Variants in CDH2 observed in about 807,000 individuals in gnomAD.
CDH2 encodes cadherin-2.
Under a neutral mutation model 92.0 loss-of-function variants are expected in CDH2, and 17 were observed. The observed-to-expected ratio is 0.18, with a 90% CI of 0.13 to 0.28. The LOEUF (loss-of-function observed/expected upper bound fraction) is 0.28, where lower values mean the gene tolerates loss of function less well. CDH2 is among the 10% of genes least tolerant of loss of function. CDH2 has a pLI of 1.00. For synonymous variants in CDH2, 419 were observed against 415.9 expected (o/e 1.01, Z -0.09); for missense variants, 862 against 1,133.1 (o/e 0.76, Z 3.44).
intron 9 of CDH2, among the ~76,000 whole-genome samples, 171 bp from the exon 10 acceptor site, chr18:27,990,521 T>C (rs1306763767): frequency 6.6e-6 from 1 of 152,342 alleles, no homozygotes; most frequent in Admixed American, 6.5e-5. Flanking sequence ...CTTATCAAAA[T>C]ATTTATCCCA....
At chr18:28,154,808 T>C (rs2016182918) in intron 1 of CDH2, among the ~76,000 whole-genome samples, 1 of 152,172 alleles carries the variant, frequency 6.6e-6, no homozygotes, top group African/African-American at 2.4e-5. Context: ...CCTCACTCTC[T>C]TCCTCATTAA....
At chr18:28,077,827 G>A (rs1291409650) in intron 2 of CDH2, among the ~76,000 whole-genome samples, 1 of 147,944 alleles carries the variant, frequency 6.8e-6, no homozygotes, top group Non-Finnish European at 1.5e-5. Flanking sequence ...GGAGTTGGAG[G>A]TTGCACTGAG....
At chr18:28,090,337 G>A (rs1258289944) in intron 2 of CDH2, among the ~76,000 whole-genome samples, 2 of 152,102 alleles carry the variant, frequency 1.3e-5, no homozygotes, top group South Asian at 2.1e-4. Flanking sequence ...GCTGACGTAT[G>A]GATTTGTGTA....
chr18:27,999,666 A>G (rs1240109175), intron 7 of CDH2, among the ~76,000 whole-genome samples: 9 of 143,490 alleles, frequency 6.3e-5, no homozygotes, highest in Non-Finnish European at 1.4e-4. Flanking sequence ...ATATATATAT[A>G]CATATATACA....
At chr18:27,967,849 G>T (rs552817443) in intron 14 of CDH2, among the ~76,000 whole-genome samples, 2 of 152,292 alleles carry the variant, frequency 1.3e-5, no homozygotes, top group South Asian at 4.1e-4. Context: ...TTTGGAAAAT[G>T]ATACAACGAG....
chr18:27,981,351 T>C (rs1659553882), intron 14 of CDH2, among the ~76,000 whole-genome samples: 1 of 152,208 alleles, frequency 6.6e-6, no homozygotes, highest in South Asian at 2.1e-4. Context: ...AAGCCAAACA[T>C]GAATTTTAAT....
At chr18:28,121,052 T>G (rs2015579461) in intron 2 of CDH2, among the ~76,000 whole-genome samples, 1 of 152,148 alleles carries the variant, frequency 6.6e-6, no homozygotes, top group Admixed American at 6.6e-5. Flanking sequence ...GAAACACTAA[T>G]GTTATTCTGT....
intron 6 of CDH2, among the ~76,000 whole-genome samples, chr18:27,933,672 T>G (rs879184531): frequency 6.6e-6 from 1 of 152,220 alleles, no homozygotes; most frequent in Non-Finnish European, 1.5e-5. Flanking sequence ...TTAAACATCT[T>G]GTAATTCTAA....
rs536092360 is a variant in CDH2 at position 27,968,913 on chromosome 18, G to GAGAA, written c.2350-5396_2350-5393dup. Among the ~76,000 whole-genome samples, 635 of 152,308 alleles carry GAGAA rather than the reference G, an allele frequency of 4.2e-3. 1 individual carries two copies. Among genetic ancestry groups the GAGAA allele is most frequent in the Non-Finnish European group, 7.0e-3 (474 of 68,030 alleles). On this transcript the variant is annotated intron_variant, in intron 14 of 15. Coordinates refer to ENST00000269141, the MANE Select transcript of CDH2 (RefSeq NM_001792.5). ...ACACAAAAAGAAATGGAAGGTGGGAGAGAAGAACACTATTATCTCACCCTC... is the reference window on the plus strand; with the variant it reads ...ACACAAAAAGAAATGGAAGGTGGGAGAGAAAGAAGAACACTATTATCTCACCCTC...
At chr18:28,168,915 G>C (rs1014300686) in intron 1 of CDH2, among the ~76,000 whole-genome samples, 4 of 152,060 alleles carry the variant, frequency 2.6e-5, no homozygotes, top group African/African-American at 9.7e-5. Context: ...CTGATAAAGG[G>C]AGAAACCCGT....
At chr18:28,091,384 C>T (rs1256040589) in intron 2 of CDH2, among the ~76,000 whole-genome samples, 3 of 152,096 alleles carry the variant, frequency 2.0e-5, no homozygotes, top group Non-Finnish European at 4.4e-5. Flanking sequence ...GATTTAATTC[C>T]CTTTAGTTCA....
intron 2 of CDH2, among the ~76,000 whole-genome samples, chr18:28,049,003 C>A (rs934230865): frequency 6.6e-6 from 1 of 152,158 alleles, no homozygotes; most frequent in Non-Finnish European, 1.5e-5. Context: ...CAGCCACAAA[C>A]TCCTCTTTAG....
chr18:28,132,279 G>A (rs2015784857), intron 2 of CDH2, among the ~76,000 whole-genome samples: 1 of 152,180 alleles, frequency 6.6e-6, no homozygotes, highest in South Asian at 2.1e-4. Flanking sequence ...AATCAATGGT[G>A]CTTATCAGCT....
intron 14 of CDH2, 98 bp from the exon 15 acceptor site, chr18:27,963,619 G>T: frequency 1.9e-6 from 2 of 1,044,834 alleles, no homozygotes; most frequent in Non-Finnish European, 1.4e-6. Flanking sequence ...ACATAGAAAT[G>T]AGGAAAATTT....
chr18:28,151,346 G>C (rs924729009), intron 1 of CDH2, among the ~76,000 whole-genome samples: 4 of 152,144 alleles, frequency 2.6e-5, no homozygotes, highest in African/African-American at 9.7e-5. Context: ...AGTGGCTACT[G>C]GCTCTCAGTT....
Position 27,985,022 on chromosome 18 carries a change from C to A in CDH2, c.2187G>T (p.Leu729=). Residue 729 remains leucine (L), a synonymous_variant, in exon 13 of 16, where the codon CTG becomes CTT. Transcript: ENST00000269141. The stretch of plus-strand genomic sequence containing the variant: ...CACTAAGCAGGATGATGATGCAGAG[C>A]AGGATGGCAATGATGGCACCGGTGC... The part of the protein sequence containing the change: ...GLGTGAIIAI[L]LCIIILLILV... 1 of 1,613,586 alleles carries A rather than the reference C, an allele frequency of 6.2e-7. No homozygotes were observed. Among genetic ancestry groups the A allele is most frequent in the Non-Finnish European group, 8.5e-7 (1 of 1,179,524 alleles).
At chr18:28,151,393 G>A (rs1023898903) in intron 1 of CDH2, among the ~76,000 whole-genome samples, 1 of 152,112 alleles carries the variant, frequency 6.6e-6, no homozygotes, top group Non-Finnish European at 1.5e-5. Context: ...TATAAAATAC[G>A]TAGAGCAGGG....
At chr18:28,142,319 G>A (rs1188786270) in intron 2 of CDH2, among the ~76,000 whole-genome samples, 1 of 151,836 alleles carries the variant, frequency 6.6e-6, no homozygotes, top group East Asian at 1.9e-4. Context: ...ATTACTGAAG[G>A]CTATGAAGAA....
chr18:27,988,118 C>A (rs1449422810), intron 11 of CDH2, among the ~76,000 whole-genome samples: 1 of 152,092 alleles, frequency 6.6e-6, no homozygotes, highest in African/African-American at 2.4e-5. Flanking sequence ...AATTAAGTTT[C>A]CTAGCCCATG....
Sources: allele counts gnomAD v4.1 joint callset (sites outside exome capture counted in the v4.1 genomes callset), GRCh38; gene constraint gnomAD v4.1.1; transcripts MANE v1.5; gene names NCBI Gene and HGNC (gene_info 2026-07-23, HGNC 2026-07-21).